Variants in TMEM117 observed in about 807,000 individuals in gnomAD.
TMEM117 encodes the protein transmembrane protein 117.
Under a neutral mutation model 52.4 loss-of-function variants are expected in TMEM117, and 27 were observed. The observed-to-expected ratio is 0.51, with a 90% CI of 0.38 to 0.71. The LOEUF (loss-of-function observed/expected upper bound fraction) is 0.71. Ranked by LOEUF, TMEM117 falls within the 30% of genes least tolerant of loss-of-function variation. The pLI, the probability that TMEM117 is intolerant of heterozygous loss-of-function variation, is 0.00. For missense variants in TMEM117, 556 were observed against 630.5 expected, an observed-to-expected ratio of 0.88 and a Z score of 1.26; for synonymous variants, 215 against 206.3, an observed-to-expected ratio of 1.04 and a Z score of -0.36.
intron 5 of TMEM117, among the ~76,000 whole-genome samples, chr12:44,213,677 G>A (rs542127755): frequency 8.6e-4 from 131 of 152,250 alleles, no homozygotes; most frequent in African/African-American, 3.1e-3. Flanking sequence ...TGATAGTGAG[G>A]TCTCAAGAGA....
rs190775884 is a variant in TMEM117 at position 44,122,105 on chromosome 12, C to T, written c.411-21420C>T. 2.0e-3 allele frequency among the ~76,000 whole-genome samples: 305 copies of T among 148,828 alleles called. 3 individuals carry two copies. Among genetic ancestry groups the T allele is most frequent in the Middle Eastern group, 7.0e-3 (2 of 286 alleles). ...CTGTTGCCCAGGCTGAGTGCAGTGG[C>T]GCAATCTCCACTCACTGCAACCTCT... On this transcript the variant is annotated intron_variant, in intron 3 of 7. Transcript: ENST00000266534.
chr12:44,303,555 A>G (rs578012907), intron 6 of TMEM117, among the ~76,000 whole-genome samples: 2 of 152,348 alleles, frequency 1.3e-5, no homozygotes, highest in East Asian at 3.9e-4. Flanking sequence ...TAAACTCACT[A>G]GAACTAGGGC....
intron 3 of TMEM117, among the ~76,000 whole-genome samples, chr12:44,013,317 G>A (rs184196197): frequency 9.5e-4 from 145 of 152,254 alleles, no homozygotes; most frequent in South Asian, 1.2e-3. Context: ...GTAAGTCACC[G>A]CGCCCAGTCT....
At chr12:43,916,653 A>C (rs1944608281) in intron 2 of TMEM117, among the ~76,000 whole-genome samples, 1 of 152,168 alleles carries the variant, frequency 6.6e-6, no homozygotes. Context: ...TCAGAAGGAG[A>C]AACACAATGA....
chr12:44,054,068 G>A (rs1241320717), intron 3 of TMEM117, among the ~76,000 whole-genome samples: 1 of 152,152 alleles, frequency 6.6e-6, no homozygotes, highest in Non-Finnish European at 1.5e-5. Flanking sequence ...TTGCATCCCT[G>A]ATAACTAGTG....
chr12:44,034,087 T>A (rs1946675153), intron 3 of TMEM117, among the ~76,000 whole-genome samples: 1 of 152,198 alleles, frequency 6.6e-6, no homozygotes, highest in African/African-American at 2.4e-5. Context: ...CATTTCTAAG[T>A]CCCTCAACAA....
intron 4 of TMEM117, among the ~76,000 whole-genome samples, chr12:44,153,489 A>C (rs1948784441): frequency 6.6e-6 from 1 of 152,042 alleles, no homozygotes; most frequent in Non-Finnish European, 1.5e-5. Flanking sequence ...TTAGGCACGA[A>C]ATGATATAAC....
At chr12:44,346,602 T>C (rs926123887) in intron 6 of TMEM117, among the ~76,000 whole-genome samples, 6 of 152,154 alleles carry the variant, frequency 3.9e-5, no homozygotes, top group African/African-American at 1.4e-4. Flanking sequence ...TCCCATGGTA[T>C]AGGCAGCAGG....
intron 3 of TMEM117, among the ~76,000 whole-genome samples, chr12:44,082,276 T>A (rs1349536294): frequency 1.3e-5 from 2 of 151,912 alleles, no homozygotes; most frequent in Non-Finnish European, 2.9e-5. Flanking sequence ...GATTTCTTAG[T>A]CCAAATTCAA....
Position 44,242,245 on chromosome 12 carries a change from G to A in TMEM117, c.608+30858G>A, listed in dbSNP as rs142498126. ...GATTTTTTCATCACCCAGGTATTAA[G>A]CCTAGTACCCAATAGTTATTTTTTT... is the stretch of plus-strand genomic sequence containing the variant. On this transcript the variant is annotated intron_variant, in intron 5 of 7. Coordinates refer to ENST00000266534, the MANE Select transcript of TMEM117 (RefSeq NM_032256.3). 2.4e-3 allele frequency among the ~76,000 whole-genome samples: 361 copies of A among 151,594 alleles called. 5 individuals are homozygous for A. The highest frequency in any genetic ancestry group is 8.3e-3 in the African/African-American group (345 of 41,396).
intron 3 of TMEM117, among the ~76,000 whole-genome samples, chr12:43,981,994 T>C (rs1281796056): frequency 1.3e-5 from 2 of 152,124 alleles, no homozygotes; most frequent in East Asian, 3.9e-4. Context: ...ACACAATAGC[T>C]AGAAGAGAGC....
intron 5 of TMEM117, among the ~76,000 whole-genome samples, chr12:44,253,811 C>T (rs1413180407): frequency 6.8e-6 from 1 of 146,656 alleles, no homozygotes; most frequent in Non-Finnish European, 1.5e-5. Flanking sequence ...TGCATAAAAG[C>T]TACTGTGCTA....
At chr12:44,157,287 T>A (rs1315335017) in intron 4 of TMEM117, among the ~76,000 whole-genome samples, 1 of 152,128 alleles carries the variant, frequency 6.6e-6, no homozygotes, top group Non-Finnish European at 1.5e-5. Flanking sequence ...GGGTGGCTTA[T>A]TTTTAGTAAT....
chr12:43,817,884 A>G, the TMEM117 span, among the ~76,000 whole-genome samples: 1 of 152,240 alleles, frequency 6.6e-6, no homozygotes, highest in African/African-American at 2.4e-5. Flanking sequence ...ATTTAGAGCC[A>G]TATCTCAGTT....
At chr12:44,226,015 A>G (rs1217049306) in intron 5 of TMEM117, among the ~76,000 whole-genome samples, 1 of 152,188 alleles carries the variant, frequency 6.6e-6, no homozygotes, top group Non-Finnish European at 1.5e-5. Context: ...AGTTTTAAAC[A>G]CCCATACACA....
chr12:44,228,135 G>T (rs969441426), intron 5 of TMEM117, among the ~76,000 whole-genome samples: 2 of 151,982 alleles, frequency 1.3e-5, no homozygotes, highest in Admixed American at 1.3e-4. Flanking sequence ...GGAAGTGATG[G>T]ACAGTTTTAA....
At chr12:44,244,628 AT>A (rs1279205329) in intron 5 of TMEM117, among the ~76,000 whole-genome samples, 1 of 151,900 alleles carries the variant, frequency 6.6e-6, no homozygotes, top group Non-Finnish European at 1.5e-5. Flanking sequence ...GATTTCAAAT[AT>A]ATTCTTCCAT....
rs1952133260 is a variant in TMEM117, at chr12:44,388,821, G to A, written c.*149G>A. 1.2e-6 allele frequency: 1 copy of A among 841,742 alleles called. No individual in the cohort carries two copies. The highest frequency in any genetic ancestry group is 1.7e-5 in the African/African-American group (1 of 58,128). 52.1% of individuals were successfully genotyped at this position (841,742 alleles called of 1,614,324 possible). The stretch of plus-strand genomic sequence containing the variant: ...ACGGTGCTCAACATGCTTTTTCTAG[G>A]ATTCATTGTTTTCTATTTGTATTAT... On this transcript the variant is annotated 3_prime_UTR_variant, in exon 8 of 8. Transcript: ENST00000266534.
At chr12:44,220,120 G>T (rs933594018) in intron 5 of TMEM117, among the ~76,000 whole-genome samples, 1 of 152,172 alleles carries the variant, frequency 6.6e-6, no homozygotes, top group Non-Finnish European at 1.5e-5. Flanking sequence ...GGTATCTTTA[G>T]AAAACAGTGT....
Sources: allele counts gnomAD v4.1 joint callset (sites outside exome capture counted in the v4.1 genomes callset), GRCh38; gene constraint gnomAD v4.1.1; transcripts MANE v1.5; gene names NCBI Gene and HGNC (gene_info 2026-07-23, HGNC 2026-07-21).